Variants in PTPRN2 observed in about 807,000 individuals in gnomAD.
PTPRN2 encodes protein tyrosine phosphatase receptor type N2, also known as receptor-type tyrosine-protein phosphatase N2.
In PTPRN2, 74 loss-of-function variants were observed where a neutral mutation model predicts 118.8. That is an observed-to-expected ratio of 0.62 (90% confidence interval 0.52 to 0.76). The LOEUF is 0.76. Among genes scored for constraint, PTPRN2 ranks in the 30% least tolerant of loss-of-function variants. PTPRN2 has a pLI of 0.00. For missense variants in PTPRN2, 1,481 were observed against 1,394.4 expected (o/e 1.06, Z -0.99); for synonymous variants, 641 against 608.0 (o/e 1.05, Z -0.80).
chr7:158,021,697 C>T (rs1260036287), intron 11 of PTPRN2, among the ~76,000 whole-genome samples: 2 of 152,060 alleles, frequency 1.3e-5, no homozygotes, highest in East Asian at 3.9e-4. Flanking sequence ...GGAGAGGGGC[C>T]TCGGGAGGAG....
chr7:158,072,116 T>A (rs899732748), intron 11 of PTPRN2, among the ~76,000 whole-genome samples: 2 of 146,444 alleles, frequency 1.4e-5, no homozygotes, highest in African/African-American at 5.1e-5. Context: ...GTGCTCATGG[T>A]GGTGGAGGTG....
chr7:158,507,012 T>A (rs1822797791), intron 1 of PTPRN2, among the ~76,000 whole-genome samples: 1 of 152,114 alleles, frequency 6.6e-6, no homozygotes. Flanking sequence ...GGCCCCAGCA[T>A]GGTCAGCTGA....
At chr7:157,693,027 C>T (rs909912828) in intron 12 of PTPRN2, among the ~76,000 whole-genome samples, 1 of 151,980 alleles carries the variant, frequency 6.6e-6, no homozygotes, top group African/African-American at 2.4e-5. Flanking sequence ...AGGGCGACCC[C>T]AGGCCCGGCC....
intron 12 of PTPRN2, among the ~76,000 whole-genome samples, chr7:157,853,262 A>G (rs907060393): frequency 6.6e-6 from 1 of 152,136 alleles, no homozygotes; most frequent in East Asian, 1.9e-4. Flanking sequence ...CGCTCACATG[A>G]TGACGGCCGA....
At chr7:157,621,595 C>G in intron 14 of PTPRN2, 86 bp from the exon 15 acceptor site, 2 of 1,542,178 alleles carry the variant, frequency 1.3e-6, no homozygotes, top group Non-Finnish European at 1.8e-6. Context: ...GGCCTTTGCA[C>G]TCGCCGCGTG....
intron 9 of PTPRN2, among the ~76,000 whole-genome samples, chr7:158,125,101 C>T (rs35407938): frequency 3.3e-3 from 498 of 152,268 alleles, no homozygotes; most frequent in Non-Finnish European, 5.1e-3. Flanking sequence ...ACTGAGCTGC[C>T]GGGCTGGCGA....
intron 11 of PTPRN2, among the ~76,000 whole-genome samples, chr7:158,072,139 C>G (rs1181203423): frequency 7.2e-6 from 1 of 138,316 alleles, no homozygotes; most frequent in Non-Finnish European, 1.6e-5. Context: ...CATGTAGGAT[C>G]TAAATGCCAT....
At chr7:158,332,686 A>C (rs374113965) in intron 2 of PTPRN2, among the ~76,000 whole-genome samples, 30,812 of 112,562 alleles carry the variant, frequency 0.27, 4,979 homozygotes, top group Middle Eastern at 0.39. Context: ...CCCACACTCT[A>C]ACCATAAGAG....
Position 158,536,863 on chromosome 7 carries a change from G to A in PTPRN2, c.113-47078C>T, listed in dbSNP as rs577460079. On this transcript the variant is annotated intron_variant, in intron 1 of 22. Transcript: ENST00000389418. ...CTTCCCAGCCCACCATCAATAAGAC[G>A]GGACTCAGGAAAACAACTGAGCAAA... is the stretch of plus-strand genomic sequence containing the variant. 3.9e-5 allele frequency among the ~76,000 whole-genome samples: 6 copies of A among 152,292 alleles called. No homozygotes were observed. The South Asian group carries it at 6.2e-4, about 16-fold the overall frequency.
At chr7:158,156,083 T>TCACA (rs1310723924) in intron 6 of PTPRN2, among the ~76,000 whole-genome samples, 5 of 152,158 alleles carry the variant, frequency 3.3e-5, no homozygotes, top group Admixed American at 1.3e-4. Flanking sequence ...GGGTAAGGAA[T>TCACA]CACAGCTGAG....
chr7:158,452,664 G>T (rs1229801275), intron 2 of PTPRN2, among the ~76,000 whole-genome samples: 1 of 152,230 alleles, frequency 6.6e-6, no homozygotes, highest in African/African-American at 2.4e-5. Flanking sequence ...CGATAAGACA[G>T]GTGGAGTGAG....
At chr7:157,855,651 T>C (rs973677998) in intron 12 of PTPRN2, among the ~76,000 whole-genome samples, 3 of 152,130 alleles carry the variant, frequency 2.0e-5, no homozygotes, top group African/African-American at 7.2e-5. Context: ...ATAGAGCACA[T>C]CCCGGCGGGA....
chr7:158,149,959 G>A (rs930971400), intron 6 of PTPRN2, among the ~76,000 whole-genome samples: 1 of 152,132 alleles, frequency 6.6e-6, no homozygotes, highest in Non-Finnish European at 1.5e-5. Context: ...AATAAAAATA[G>A]AAAGTAAGCA....
chr7:157,752,886 C>T (rs1801564968), intron 12 of PTPRN2, among the ~76,000 whole-genome samples: 1 of 152,246 alleles, frequency 6.6e-6, no homozygotes, highest in Admixed American at 6.5e-5. Flanking sequence ...AGCCACGCCG[C>T]CTTTCAGAAG....
chr7:158,131,478 A>C (rs976742828), intron 9 of PTPRN2, among the ~76,000 whole-genome samples: 9 of 151,684 alleles, frequency 5.9e-5, no homozygotes, highest in Admixed American at 2.0e-4. Flanking sequence ...GCACTCATAC[A>C]CACACACTTA....
intron 2 of PTPRN2, among the ~76,000 whole-genome samples, chr7:158,342,996 C>G (rs1807179814): frequency 6.6e-6 from 1 of 152,210 alleles, no homozygotes; most frequent in African/African-American, 2.4e-5. Flanking sequence ...TTGCAGTGAG[C>G]TGAGATTGCG....
intron 12 of PTPRN2, among the ~76,000 whole-genome samples, chr7:157,792,231 G>A (rs542148010): frequency 5.3e-5 from 8 of 152,264 alleles, no homozygotes; most frequent in Non-Finnish European, 1.0e-4. Flanking sequence ...CTGACCTGCA[G>A]CCCGCACTGA....
intron 3 of PTPRN2, among the ~76,000 whole-genome samples, chr7:158,256,026 G>A (rs12674172): frequency 0.12 from 18,514 of 152,208 alleles, 1,408 homozygotes; most frequent in East Asian, 0.23. Flanking sequence ...GCTTCTCAGC[G>A]GGTTTGATTT....
intron 11 of PTPRN2, among the ~76,000 whole-genome samples, chr7:158,073,862 G>A (rs534553599): frequency 6.6e-6 from 1 of 152,296 alleles, no homozygotes; most frequent in South Asian, 2.1e-4. Context: ...AGAGCCAAGT[G>A]GACAGCAGGC....
Sources: allele counts gnomAD v4.1 joint callset (sites outside exome capture counted in the v4.1 genomes callset), GRCh38; gene constraint gnomAD v4.1.1; transcripts MANE v1.5; gene names NCBI Gene and HGNC (gene_info 2026-07-23, HGNC 2026-07-21).